Variants in SLC26A1 observed in about 807,000 individuals in gnomAD.
The protein encoded by SLC26A1 is sulfate anion transporter 1.
SLC26A1 carries 18 observed loss-of-function variants against 14.5 expected under a neutral mutation model. That is an observed-to-expected ratio of 1.24 (90% CI 0.86 to 1.84). SLC26A1 has a LOEUF of 1.84. SLC26A1 is among the 40% of genes most tolerant of loss of function. SLC26A1 has a pLI of 0.00. For synonymous variants in SLC26A1, 505 were observed against 492.0 expected (o/e 1.03, Z -0.35); for missense variants, 1,049 against 1,020.0 (o/e 1.03, Z -0.39).
Position 988,656 on chromosome 4 carries a change from G to T in SLC26A1, c.*177C>A. On this transcript the variant is annotated 3_prime_UTR_variant, in exon 3 of 3. Transcript: ENST00000398516. ...TGATTTCTGAGTGTTTGGGTCCTGC[G>T]TGTGATCAGAGGGCCTCCTTTCCCA... is the stretch of plus-strand genomic sequence containing the variant. 1 of 1,406,442 alleles carries T rather than the reference G, an allele frequency of 7.1e-7. No individual in the cohort carries two copies. The highest frequency in any genetic ancestry group is 9.2e-7 in the Non-Finnish European group (1 of 1,086,108). The allele number at this position is 1,406,442 out of a possible 1,614,324, so 87.1% of individuals were successfully genotyped here.
chr4:984,060 G>A (rs1713627574), downstream of SLC26A1, among the ~76,000 whole-genome samples: 1 of 152,136 alleles, frequency 6.6e-6, no homozygotes, highest in Non-Finnish European at 1.5e-5. Context: ...CCTGACCTCA[G>A]GTGATCTGCC....
chr4:990,728 T>G, intron 2 of SLC26A1: 1 of 394,380 alleles, frequency 2.5e-6, no homozygotes, highest in South Asian at 3.8e-5. Flanking sequence ...CATGCAGATG[T>G]GGAGCCAACG....
rs1376634337 is a variant in SLC26A1 at position 987,717 on chromosome 4, C to T, written c.*1116G>A. On this transcript the variant is annotated 3_prime_UTR_variant, in exon 3 of 3. Coordinates refer to ENST00000398516, the MANE Select transcript of SLC26A1 (RefSeq NM_022042.4). ...ACGCACGGGCAGCGCCTGGATCCTG[C>T]GCCCGGGCAGTCCTGGGCTTGAACG... The T allele has an allele frequency of 1.1e-5, 18 of 1,577,164 alleles. 1 individual carries two copies. In the East Asian group the frequency reaches 1.6e-4, roughly 14 times the overall value.
chr4:987,163 G>A, downstream of SLC26A1: 2 of 1,432,668 alleles, frequency 1.4e-6, no homozygotes, highest in Non-Finnish European at 1.8e-6. Context: ...GGCCCCGGCC[G>A]AGGCCCCGCA....
At chr4:990,748 G>A in intron 2 of SLC26A1, 2 of 396,806 alleles carry the variant, frequency 5.0e-6, no homozygotes, top group Non-Finnish European at 9.1e-6. Context: ...GGGGGCCAAG[G>A]TGGACAGGCC....
chr4:987,912 G>C lies in SLC26A1; in HGVS notation c.*921C>G. 2 of 1,604,354 alleles carry C rather than the reference G, an allele frequency of 1.2e-6. No individual in the cohort carries two copies. Among genetic ancestry groups the C allele is most frequent in the Non-Finnish European group, 1.7e-6 (2 of 1,176,114 alleles). ...CGTCCCTCACCGCGGCATCAAGCAG[G>C]TCCGGACCCACTGGCTGCTGGAGCT... On this transcript the variant is annotated 3_prime_UTR_variant, in exon 3 of 3. Coordinates refer to ENST00000398516, the MANE Select transcript of SLC26A1 (RefSeq NM_022042.4).
At chr4:987,582 G>T, downstream of SLC26A1, 2 of 1,387,306 alleles carry the variant, frequency 1.4e-6, no homozygotes, top group Non-Finnish European at 1.9e-6. Flanking sequence ...TCCTGGCAGG[G>T]CCAGGGCCAG....
Position 991,569 on chromosome 4 carries a change from G to T in SLC26A1, c.135C>A (p.Cys45Ter). ...GCAGGTCCTGCACCAGCGCCCGGAC[G>T]CACAGCACACTGCACGAGCAGCTGC... ...LWCSCSCSVL[C>*]VRALVQDLLP... Residue 45 changes from cysteine to a stop codon, truncating the protein, a stop_gained, in exon 2 of 3, where the codon TGC (cysteine) becomes TGA (stop). Coordinates refer to ENST00000398516, the MANE Select transcript of SLC26A1 (RefSeq NM_022042.4). LOFTEE classifies it high-confidence loss of function. 6.2e-7 allele frequency: 1 copy of T among 1,602,666 alleles called. No individual in the cohort carries two copies. Among genetic ancestry groups the T allele is most frequent in the South Asian group, 1.1e-5 (1 of 90,666 alleles).
In SLC26A1 at chr4:988,296, C is replaced by T; in HGVS notation, c.*537G>A. The T allele has an allele frequency of 1.8e-6, 2 of 1,136,484 alleles. No individual in the cohort carries two copies. Among genetic ancestry groups the T allele is most frequent in the East Asian group, 5.6e-5 (1 of 17,864 alleles). 70.4% of individuals were successfully genotyped at this position (1,136,484 alleles called of 1,614,324 possible). ...TGAGCTGAGGTCTCATCGGTCACAG[C>T]ACCCTGGGCCCTGACGCTGGTGCAG... On this transcript the variant is annotated 3_prime_UTR_variant, in exon 3 of 3. Coordinates refer to ENST00000398516, the MANE Select transcript of SLC26A1 (RefSeq NM_022042.4).
chr4:992,797 T>G (rs1714474714), intron 1 of SLC26A1: 1 of 153,230 alleles, frequency 6.5e-6, no homozygotes, highest in Admixed American at 6.5e-5. Flanking sequence ...ACGTGAGGCC[T>G]CGGGTCTGTC....
downstream of SLC26A1, chr4:987,299 C>T: frequency 1.4e-6 from 2 of 1,452,504 alleles, no homozygotes; most frequent in Non-Finnish European, 1.8e-6. Flanking sequence ...CTCGGGCGCC[C>T]CCTGACTGCG....
downstream of SLC26A1, chr4:987,292 G>T: frequency 1.3e-6 from 2 of 1,484,186 alleles, no homozygotes; most frequent in South Asian, 1.2e-5. Context: ...GGGAGAGCTC[G>T]GGCGCCCCCT....
Position 988,776 on chromosome 4 carries a change from G to A in SLC26A1, c.*57C>T. 6.8e-7 allele frequency: 1 copy of A among 1,466,306 alleles called. No individual in the cohort carries two copies. Among genetic ancestry groups the A allele is most frequent in the Non-Finnish European group, 9.0e-7 (1 of 1,108,418 alleles). The allele number at this position is 1,466,306 out of a possible 1,614,324, so 90.8% of individuals were successfully genotyped here. A position where few individuals can be genotyped will look rare whatever the true frequency, so the allele number is the denominator to read the frequency against. Reference sequence around the variant, plus strand: ...GGAAGGGTCTCAGCAGTGGCTTGCAGACGTCTGCTGTGGGTCCCCAGGAGG... The same window carrying A: ...GGAAGGGTCTCAGCAGTGGCTTGCAAACGTCTGCTGTGGGTCCCCAGGAGG... On this transcript the variant is annotated 3_prime_UTR_variant, in exon 3 of 3. Coordinates refer to ENST00000398516, the MANE Select transcript of SLC26A1 (RefSeq NM_022042.4).
Position 988,008 on chromosome 4 carries a change from G to T in SLC26A1, c.*825C>A. 6.6e-7 allele frequency: 1 copy of T among 1,518,124 alleles called. No individual in the cohort carries two copies. Among genetic ancestry groups the T allele is most frequent in the South Asian group, 1.2e-5 (1 of 81,242 alleles). 94.0% of individuals were successfully genotyped at this position (1,518,124 alleles called of 1,614,324 possible). A position where few individuals can be genotyped will look rare whatever the true frequency, so the allele number is the denominator to read the frequency against. On this transcript the variant is annotated 3_prime_UTR_variant, in exon 3 of 3. Coordinates refer to ENST00000398516, the MANE Select transcript of SLC26A1 (RefSeq NM_022042.4). ...CCCCTTACAGAGGCACAGATGGGAG[G>T]GGAGGGCTGGGGGCTGCTCGGAAGA...
At position 991,285 on chromosome 4, in the gene SLC26A1, T is replaced by C; in HGVS notation, c.419A>G (p.Glu140Gly). The change falls in exon 2 of 3, where the codon GAG becomes GGG. Residue 140 changes from glutamate (E) to glycine (G), a missense_variant. Transcript: ENST00000398516. ...CLMVGQVVDR[E>G]LQLAGFDPSQ... ...GGGGTCAAAGCCGGCCAGCTGGAGC[T>C]CCCGGTCCACCACCTGCCCCACCAT... The C allele has an allele frequency of 1.2e-6, 2 of 1,612,560 alleles. No individual in the cohort carries two copies. Among genetic ancestry groups the C allele is most frequent in the Non-Finnish European group, 1.7e-6 (2 of 1,179,826 alleles).
downstream of SLC26A1, among the ~76,000 whole-genome samples, chr4:984,229 T>G (rs1322669481): frequency 6.6e-6 from 1 of 152,230 alleles, no homozygotes; most frequent in Non-Finnish European, 1.5e-5. Context: ...TTCAATAAAT[T>G]TTTACTAAGT....
intron 1 of SLC26A1, chr4:992,846 C>A (rs1714477958): frequency 6.6e-6 from 1 of 152,276 alleles, no homozygotes; most frequent in South Asian, 2.1e-4. Context: ...TTTAAACATT[C>A]TTCTCAGCGA....
At position 989,902 on chromosome 4, in the gene SLC26A1, A is replaced by C; in HGVS notation, c.1037T>G (p.Val346Gly). 6.4e-7 allele frequency: 1 copy of C among 1,564,816 alleles called. No individual in the cohort carries two copies. Among genetic ancestry groups the C allele is most frequent in the Non-Finnish European group, 8.7e-7 (1 of 1,155,604 alleles). The stretch of plus-strand genomic sequence containing the variant: ...GGCGGCAGCCACGAGGGCCAGGGCC[A>C]CGGCATCCAAAGCCACACGCTGCAT... ...RLMQRVALDA[V>G]ALALVAAAFS... Residue 346 changes from valine to glycine, a missense_variant, in exon 3 of 3, where the codon GTG becomes GGG. By Grantham distance (109) the Val-to-Gly change is moderately radical. Transcript: ENST00000398516.
At chr4:992,039 G>T (rs1036003981) in intron 1 of SLC26A1, 2 of 589,562 alleles carry the variant, frequency 3.4e-6, no homozygotes, top group East Asian at 7.0e-5. Flanking sequence ...GCTCAGCTCC[G>T]GCCTATTGGC....
Sources: gnomAD v4.1 joint callset for allele counts (sites outside exome capture counted in the v4.1 genomes callset) on GRCh38, gnomAD v4.1.1 for gene constraint, MANE v1.5 for transcripts, NCBI Gene and HGNC (gene_info 2026-07-23, HGNC 2026-07-21) for gene names.